Variants in CLDN6 observed in about 807,000 individuals in gnomAD.
CLDN6 encodes claudin-6.
For missense variants in CLDN6, 279 were observed against 284.1 expected (o/e 0.98, Z 0.13); for synonymous variants, 144 against 131.2 (o/e 1.10, Z -0.67).
At position 3,016,057 on chromosome 16, in the gene CLDN6, G is replaced by A. The variant is rs1340012281; in HGVS notation, c.-21-15C>T. ...AAGGAGCTGCACTGTGTTTGGGACA[G>A]AAGCACAACAAGGTGAGGCCTGGCA... On this transcript the variant is annotated splice_polypyrimidine_tract_variant and intron_variant, in intron 1 of 1. Coordinates refer to ENST00000328796, the MANE Select transcript of CLDN6 (RefSeq NM_021195.5). The A allele has an allele frequency of 6.3e-7, 1 of 1,592,094 alleles. No individual in the cohort carries two copies.
At chr16:3,016,938 A>G (rs900645082) in intron 1 of CLDN6, among the ~76,000 whole-genome samples, 5 of 151,806 alleles carry the variant, frequency 3.3e-5, no homozygotes, top group South Asian at 4.2e-4. Context: ...ATGAGCCACC[A>G]CACCTGGTCT....
chr16:3,015,332 C>A lies in CLDN6; in HGVS notation c.*27G>T. On this transcript the variant is annotated 3_prime_UTR_variant, in exon 2 of 2. Coordinates refer to ENST00000328796, the MANE Select transcript of CLDN6 (RefSeq NM_021195.5). ...CTGCCACTTCTGGATGGCTCTAGCG[C>A]CAGCGGAGCCCCCATTCCCCTCCAC... The A allele has an allele frequency of 6.6e-7, 1 of 1,515,402 alleles. No homozygotes were observed. The highest frequency in any genetic ancestry group is 8.8e-7 in the Non-Finnish European group (1 of 1,133,532). The allele number at this position is 1,515,402 out of a possible 1,614,324, so 93.9% of individuals were successfully genotyped here. A position where few individuals can be genotyped will look rare whatever the true frequency, so the allele number is the denominator to read the frequency against.
chr16:3,015,379 G>T lies in CLDN6; in HGVS notation c.643C>A (p.Pro215Thr). Residue 215 changes from proline to threonine, a missense_variant, in exon 2 of 2, where the codon CCT (proline) becomes ACT (threonine). Coordinates refer to ENST00000328796, the MANE Select transcript of CLDN6 (RefSeq NM_021195.5). ...PAISRGPSEY[P>T]TKNYV The stretch of plus-strand genomic sequence containing the variant: ...CCACGTCAGACGTAATTCTTGGTAG[G>T]GTACTCAGAGGGCCCCCGAGAGATG... The T allele has an allele frequency of 6.6e-7, 1 of 1,522,854 alleles. No individual in the cohort carries two copies. The highest frequency in any genetic ancestry group is 8.8e-7 in the Non-Finnish European group (1 of 1,138,154). 94.3% of individuals were successfully genotyped at this position (1,522,854 alleles called of 1,614,324 possible). A position where few individuals can be genotyped will look rare whatever the true frequency, so the allele number is the denominator to read the frequency against.
chr16:3,016,671 G>C (rs1438015080), intron 1 of CLDN6, among the ~76,000 whole-genome samples: 1 of 137,664 alleles, frequency 7.3e-6, no homozygotes, highest in Non-Finnish European at 1.6e-5. Flanking sequence ...TTTTTAAGAC[G>C]GAGTCTCGCT....
In CLDN6 at chr16:3,014,887, C is replaced by T. The variant is rs377578036; in HGVS notation, c.*472G>A. ...CGGAGGAAACAGAGGTCAGAAGTTC[C>T]GGAGGTGGGCAGTCCTTTGTTAACA... On this transcript the variant is annotated 3_prime_UTR_variant, in exon 2 of 2. Coordinates refer to ENST00000328796, the MANE Select transcript of CLDN6 (RefSeq NM_021195.5). 9.4e-4 allele frequency: 348 copies of T among 369,008 alleles called. 11 individuals are homozygous for T. In the South Asian group the frequency reaches 0.045, roughly 47 times the overall value. The allele number at this position is 369,008 out of a possible 1,614,324, so 22.9% of individuals were successfully genotyped here.
At position 3,015,122 on chromosome 16, in the gene CLDN6, C is replaced by T; in HGVS notation, c.*237G>A. ...GCTTCTAAGATGGGCATGTCAAGAT[C>T]CAGAATCTCAAAGCATCCCCTCTTT... On this transcript the variant is annotated 3_prime_UTR_variant, in exon 2 of 2. Coordinates refer to ENST00000328796, the MANE Select transcript of CLDN6 (RefSeq NM_021195.5). The T allele has an allele frequency of 2.2e-6, 1 of 454,266 alleles. No individual in the cohort carries two copies. The highest frequency in any genetic ancestry group is 3.9e-6 in the Non-Finnish European group (1 of 259,452). The allele number at this position is 454,266 out of a possible 1,614,324, so 28.1% of individuals were successfully genotyped here. A position where few individuals can be genotyped will look rare whatever the true frequency, so the allele number is the denominator to read the frequency against.
At position 3,015,506 on chromosome 16, in the gene CLDN6, G is replaced by A. The variant is rs2151124631; in HGVS notation, c.516C>T (p.Gly172=). 6.2e-7 allele frequency: 1 copy of A among 1,611,762 alleles called. No individual in the cohort carries two copies. The highest frequency in any genetic ancestry group is 8.5e-7 in the Non-Finnish European group (1 of 1,179,190). Residue 172 remains glycine, a synonymous_variant, in exon 2 of 2, where the codon GGC becomes GGT. Transcript: ENST00000328796. ...ASLYLGWAAS[G]LLLLGGGLLC... is the part of the protein sequence containing the mutation. ...GCAACCCCCCACCCAGCAACAAAAGGCCTGAGGCCGCCCAGCCCAAGTAGA... is the reference window on the plus strand; with the variant it reads ...GCAACCCCCCACCCAGCAACAAAAGACCTGAGGCCGCCCAGCCCAAGTAGA...
intron 1 of CLDN6, among the ~76,000 whole-genome samples, chr16:3,017,716 T>C (rs556130906): frequency 6.6e-6 from 1 of 152,078 alleles, no homozygotes; most frequent in South Asian, 2.1e-4. Context: ...AGTGTGCCCC[T>C]GCCCCTTTCT....
rs1378939400 is a variant in CLDN6, at chr16:3,015,829, T to C, written c.193A>G (p.Lys65Glu). 1 of 1,614,178 alleles carries C rather than the reference T, an allele frequency of 6.2e-7. No individual in the cohort carries two copies. Among genetic ancestry groups the C allele is most frequent in the Non-Finnish European group, 8.5e-7 (1 of 1,180,044 alleles). ...AGCGCCAGCAGTGAGTCGTACACCT[T>C]GCACTGCATCTGGCCGGTGCTCTGC... ...VVQSTGQMQC[K>E]VYDSLLALPQ... The change falls in exon 2 of 2, where the codon AAG (lysine) becomes GAG (glutamate). Residue 65 changes from lysine (K) to glutamate (E), a missense_variant. Lys to Glu is a moderately conservative substitution (Grantham distance 56). Coordinates refer to ENST00000328796, the MANE Select transcript of CLDN6 (RefSeq NM_021195.5).
Position 3,015,403 on chromosome 16 carries a change from T to C in CLDN6, c.619A>G (p.Ile207Val). The change falls in exon 2 of 2, where the codon ATC becomes GTC. Residue 207 changes from isoleucine to valine, a missense_variant. Coordinates refer to ENST00000328796, the MANE Select transcript of CLDN6 (RefSeq NM_021195.5). Reference sequence around the variant, plus strand: ...GGGTACTCAGAGGGCCCCCGAGAGATGGCAGGGGCAGATGTTGAGTAGCGG... The same window carrying C: ...GGGTACTCAGAGGGCCCCCGAGAGACGGCAGGGGCAGATGTTGAGTAGCGG... ...MARYSTSAPA[I>V]SRGPSEYPTK... 2 of 1,523,774 alleles carry C rather than the reference T, an allele frequency of 1.3e-6. No homozygotes were observed. The highest frequency in any genetic ancestry group is 1.8e-6 in the Non-Finnish European group (2 of 1,138,104). 94.4% of individuals were successfully genotyped at this position (1,523,774 alleles called of 1,614,324 possible).
intron 1 of CLDN6, among the ~76,000 whole-genome samples, chr16:3,017,784 C>A (rs935561785): frequency 3.9e-5 from 6 of 152,008 alleles, no homozygotes; most frequent in Admixed American, 3.3e-4. Flanking sequence ...CACCCGACCA[C>A]CCCAGCCTGG....
chr16:3,015,398 A>G lies in CLDN6; in HGVS notation c.624T>C (p.Ser208=). ...ARYSTSAPAI[S]RGPSEYPTKN... ...TGGTAGGGTACTCAGAGGGCCCCCG[A>G]GAGATGGCAGGGGCAGATGTTGAGT... The change falls in exon 2 of 2, where the codon TCT becomes TCC. Residue 208 remains serine (S), a synonymous_variant. Coordinates refer to ENST00000328796, the MANE Select transcript of CLDN6 (RefSeq NM_021195.5). 1.3e-6 allele frequency: 2 copies of G among 1,528,560 alleles called. No homozygotes were observed. The highest frequency in any genetic ancestry group is 1.8e-6 in the Non-Finnish European group (2 of 1,140,980). The allele number at this position is 1,528,560 out of a possible 1,614,324, so 94.7% of individuals were successfully genotyped here.
intron 1 of CLDN6, among the ~76,000 whole-genome samples, chr16:3,017,867 G>C (rs1272382996): frequency 6.6e-6 from 1 of 151,718 alleles, no homozygotes; most frequent in Non-Finnish European, 1.5e-5. Context: ...AGGGGGAGGG[G>C]GGAGGGGCGC....
At position 3,015,641 on chromosome 16, in the gene CLDN6, G is replaced by C; in HGVS notation, c.381C>G (p.Ile127Met). 6.2e-7 allele frequency: 1 copy of C among 1,613,398 alleles called. No homozygotes were observed. Among genetic ancestry groups the C allele is most frequent in the Non-Finnish European group, 8.5e-7 (1 of 1,180,052 alleles). Residue 127 changes from isoleucine (I) to methionine (M), a missense_variant, in exon 2 of 2, where the codon ATC (isoleucine) becomes ATG (methionine). Coordinates refer to ENST00000328796, the MANE Select transcript of CLDN6 (RefSeq NM_021195.5). ...LVLTSGIVFVISGVLTLIPVC... is the reference protein window; with the variant it reads ...LVLTSGIVFVMSGVLTLIPVC... ...CGGGGATTAGCGTCAGGACCCCTGAGATGACAAAGACAATCCCAGAGGTGA... is the reference window on the plus strand; with the variant it reads ...CGGGGATTAGCGTCAGGACCCCTGACATGACAAAGACAATCCCAGAGGTGA...
chr16:3,016,041 C>T lies in CLDN6; in HGVS notation c.-20G>A. The T allele has an allele frequency of 2.5e-6, 4 of 1,606,342 alleles. No individual in the cohort carries two copies. The highest frequency in any genetic ancestry group is 3.4e-6 in the Non-Finnish European group (4 of 1,175,446). ...GGCCATGGCGAGGTTGAAGGAGCTG[C>T]ACTGTGTTTGGGACAGAAGCACAAC... is the stretch of plus-strand genomic sequence containing the variant. On this transcript the variant is annotated splice_region_variant and 5_prime_UTR_variant, in exon 2 of 2. Coordinates refer to ENST00000328796, the MANE Select transcript of CLDN6 (RefSeq NM_021195.5).
In CLDN6 at chr16:3,015,551, C is replaced by T. The variant is rs764484075; in HGVS notation, c.471G>A (p.Lys157=). ...AGTAGAGGGAGGCCCCCAGCTCCCG[C>T]TTTTGGGCCTCAGCCACCAGGGGGT... ...FYNPLVAEAQ[K]RELGASLYLG... is the part of the protein sequence containing the mutation. Residue 157 remains lysine (K), a synonymous_variant, in exon 2 of 2, where the codon AAG becomes AAA. Coordinates refer to ENST00000328796, the MANE Select transcript of CLDN6 (RefSeq NM_021195.5). 5 of 1,612,976 alleles carry T rather than the reference C, an allele frequency of 3.1e-6. No individual in the cohort carries two copies. In the East Asian group the frequency reaches 1.1e-4, roughly 36 times the overall value.
rs1476903683 is a variant in CLDN6 at position 3,015,711 on chromosome 16, C to T, written c.311G>A (p.Cys104Tyr). Residue 104 changes from cysteine (C) to tyrosine (Y), a missense_variant, in exon 2 of 2, where the codon TGT becomes TAT. Physicochemically the swap from Cys to Tyr is radical, Grantham distance 194 (BLOSUM62 -2). Transcript: ENST00000328796. ...GLLVYLAGAK[C>Y]TTCVEEKDSK... ...ATCCTTCTCCTCCACACAGGTGGTA[C>T]ACTTGGCCCCAGCAAGGTAGACCAG... The T allele has an allele frequency of 3.7e-6, 6 of 1,613,854 alleles. No individual in the cohort carries two copies. Among genetic ancestry groups the T allele is most frequent in the Admixed American group, 1.7e-5 (1 of 60,022 alleles).
intron 1 of CLDN6, among the ~76,000 whole-genome samples, chr16:3,017,184 A>C (rs1171948119): frequency 6.6e-6 from 1 of 152,142 alleles, no homozygotes; most frequent in Non-Finnish European, 1.5e-5. Flanking sequence ...GCTGGCAGAC[A>C]CCAGGACCAG....
chr16:3,017,215 A>G (rs1350418600), intron 1 of CLDN6, among the ~76,000 whole-genome samples: 2 of 152,226 alleles, frequency 1.3e-5, no homozygotes, highest in East Asian at 3.8e-4. Context: ...GAAAAGCATC[A>G]TTAATCCCCC....
Sources: gnomAD v4.1 joint callset for allele counts (sites outside exome capture counted in the v4.1 genomes callset) on GRCh38, gnomAD v4.1.1 for gene constraint, MANE v1.5 for transcripts, NCBI Gene and HGNC (gene_info 2026-07-23, HGNC 2026-07-21) for gene names.